TNKS: variants seen among roughly 807,000 people sequenced by gnomAD.
TNKS encodes poly [ADP-ribose] polymerase tankyrase-1.
A neutral mutation model predicts 135.8 loss-of-function variants in TNKS; 72 were observed. That is an observed-to-expected ratio of 0.53 (90% CI 0.44 to 0.64). The LOEUF (loss-of-function observed/expected upper bound fraction) is 0.64. Ranked by LOEUF, TNKS falls within the 30% of genes least tolerant of loss-of-function variation. The pLI, the probability that TNKS is intolerant of heterozygous loss-of-function variation, is 0.00. For synonymous variants in TNKS, 849 were observed against 649.3 expected, an observed-to-expected ratio of 1.31 and a Z score of -4.68; for missense variants, 1,769 against 1,674.0, an observed-to-expected ratio of 1.06 and a Z score of -0.99.
At position 9,607,423 on chromosome 8, in the gene TNKS, A is replaced by G. The variant is rs186107256; in HGVS notation, c.899-8159A>G. Among the ~76,000 whole-genome samples the G allele has an allele frequency of 1.5e-3, 235 of 152,318 alleles. 3 individuals carry two copies. The highest frequency in any genetic ancestry group is 1.7e-3 in the Non-Finnish European group (118 of 68,024). ...TCAATAACCTTTCCAATAATTGTGG[A>G]TATTCTTCTTTGATTCCACATGCAA... On this transcript the variant is annotated intron_variant, in intron 2 of 26. Transcript: ENST00000310430.
rs77150805 is a variant in TNKS at position 9,741,459 on chromosome 8, T to A, written c.2643+5973T>A. On this transcript the variant is annotated intron_variant, in intron 17 of 26. Coordinates refer to ENST00000310430, the MANE Select transcript of TNKS (RefSeq NM_003747.3). ...CTCCATTAGCCTTCACCTTTCACAG[T>A]CTTTATAGCAGTCACGGAGGATAAG... Among the ~76,000 whole-genome samples, 463 of 152,284 alleles carry A rather than the reference T, an allele frequency of 3.0e-3. 3 individuals are homozygous for A. Among genetic ancestry groups the A allele is most frequent in the African/African-American group, 0.01 (435 of 41,570 alleles).
intron 2 of TNKS, among the ~76,000 whole-genome samples, chr8:9,596,389 A>G (rs1030900957): frequency 3.9e-5 from 6 of 152,142 alleles, no homozygotes; most frequent in African/African-American, 1.4e-4. Context: ...CTCATTCTCA[A>G]CTGACCAAGC....
At chr8:9,733,537 A>G (rs1212411229) in intron 15 of TNKS, 93 bp downstream of exon 15, 3 of 1,035,776 alleles carry the variant, frequency 2.9e-6, no homozygotes, top group Non-Finnish European at 4.3e-6. Context: ...TTCTATTAAG[A>G]ACAATACTGC....
chr8:9,676,101 C>T (rs529311021), intron 3 of TNKS, among the ~76,000 whole-genome samples: 256 of 151,550 alleles, frequency 1.7e-3, no homozygotes, highest in Non-Finnish European at 3.1e-3. Flanking sequence ...CAACCTCTGC[C>T]TCCCGGATTC....
chr8:9,658,604 C>T (rs1801537795), intron 3 of TNKS, among the ~76,000 whole-genome samples: 1 of 152,218 alleles, frequency 6.6e-6, no homozygotes, highest in Non-Finnish European at 1.5e-5. Context: ...TGGAAAGGAA[C>T]AACCGGTAAC....
At position 9,617,037 on chromosome 8, in the gene TNKS, A is replaced by C. The variant is rs986808179; in HGVS notation, c.994+1360A>C. 5.9e-5 allele frequency among the ~76,000 whole-genome samples: 9 copies of C among 152,316 alleles called. No individual in the cohort carries two copies. The East Asian group carries it at 1.7e-3, about 29-fold the overall frequency. ...TGTATATCTAAATGTCCTCCCTCTG[A>C]CGTTTCCTTCTCTCCAACTCTCAAC... On this transcript the variant is annotated intron_variant, in intron 3 of 26. Coordinates refer to ENST00000310430, the MANE Select transcript of TNKS (RefSeq NM_003747.3).
intron 1 of TNKS, among the ~76,000 whole-genome samples, chr8:9,564,736 C>A (rs945217088): frequency 6.6e-6 from 1 of 152,184 alleles, no homozygotes; most frequent in Non-Finnish European, 1.5e-5. Context: ...GCTCTTGAGG[C>A]ACCTAATACC....
intron 20 of TNKS, among the ~76,000 whole-genome samples, chr8:9,759,999 A>T (rs546086455): frequency 6.6e-6 from 1 of 152,122 alleles, no homozygotes; most frequent in Non-Finnish European, 1.5e-5. Flanking sequence ...AAACAAAAAA[A>T]AAAAAAGTAA....
At chr8:9,688,988 T>A (rs1348352899) in intron 5 of TNKS, among the ~76,000 whole-genome samples, 1 of 152,166 alleles carries the variant, frequency 6.6e-6, no homozygotes, top group Non-Finnish European at 1.5e-5. Flanking sequence ...AATCTTATCA[T>A]GAGGTTCCCA....
chr8:9,675,447 C>G (rs1183344186), intron 3 of TNKS, among the ~76,000 whole-genome samples: 1 of 152,116 alleles, frequency 6.6e-6, no homozygotes, highest in Non-Finnish European at 1.5e-5. Context: ...CCTTGAGATG[C>G]TTGATAAGTT....
At chr8:9,697,221 A>G (rs1177217518) in intron 5 of TNKS, among the ~76,000 whole-genome samples, 1 of 152,222 alleles carries the variant, frequency 6.6e-6, no homozygotes, top group Non-Finnish European at 1.5e-5. Flanking sequence ...TATGCAAGAA[A>G]TAGTGCTGGG....
intron 3 of TNKS, among the ~76,000 whole-genome samples, chr8:9,616,362 ATTG>A (rs1799645602): frequency 6.6e-6 from 1 of 152,134 alleles, no homozygotes; most frequent in Admixed American, 6.5e-5. Context: ...AAAATGCTGC[ATTG>A]GATCTATTTT....
Position 9,661,855 on chromosome 8 carries a change from C to T in TNKS, c.995-18096C>T, listed in dbSNP as rs1259675096. 2.6e-5 allele frequency among the ~76,000 whole-genome samples: 4 copies of T among 152,232 alleles called. No homozygotes were observed. In the East Asian group the frequency reaches 7.7e-4, roughly 29 times the overall value. On this transcript the variant is annotated intron_variant, in intron 3 of 26. Coordinates refer to ENST00000310430, the MANE Select transcript of TNKS (RefSeq NM_003747.3). The stretch of plus-strand genomic sequence containing the variant: ...TACTCATCTGACAAAGGGCTAATAT[C>T]CAGAATTTACAAAGAACTCAAACAA...
Position 9,556,259 on chromosome 8 carries a change from C to T in TNKS, c.320C>T (p.Ala107Val), listed in dbSNP as rs771355040. 14 of 1,614,252 alleles carry T rather than the reference C, an allele frequency of 8.7e-6. No homozygotes were observed. Among genetic ancestry groups the T allele is most frequent in the Non-Finnish European group, 1.2e-5 (14 of 1,180,036 alleles). ...CTVAAAPVVPAVSTSSAAGVA... is the reference protein window; with the variant it reads ...CTVAAAPVVPVVSTSSAAGVA... ...GTCGCCGCCGCTCCCGTGGTCCCAG[C>T]GGTTTCTACTTCATCTGCCGCTGGG... Residue 107 changes from alanine to valine, a missense_variant, in exon 1 of 27, where the codon GCG (alanine) becomes GTG (valine). Physicochemically the swap from Ala to Val is moderately conservative, Grantham distance 64. Around this residue, in one of 5 missense-constraint regions of TNKS, gnomAD observed 450 missense variants for 304.9 expected, o/e 1.48. Transcript: ENST00000310430.
rs549230280 is a variant in TNKS, at chr8:9,733,793, T to C, written c.2313+349T>C. On this transcript the variant is annotated intron_variant, in intron 15 of 26. Coordinates refer to ENST00000310430, the MANE Select transcript of TNKS (RefSeq NM_003747.3). ...AATCAAGTTGGGTTTTTTTTCTTTGTTGGCTATTTTATTATTGTTAACTAA... is the reference window on the plus strand; with the variant it reads ...AATCAAGTTGGGTTTTTTTTCTTTGCTGGCTATTTTATTATTGTTAACTAA... Among the ~76,000 whole-genome samples the C allele has an allele frequency of 3.3e-5, 5 of 152,322 alleles. No individual in the cohort carries two copies. In the East Asian group the frequency reaches 9.6e-4, roughly 29 times the overall value.
At chr8:9,639,174 A>C (rs926438483) in intron 3 of TNKS, among the ~76,000 whole-genome samples, 1 of 152,198 alleles carries the variant, frequency 6.6e-6, no homozygotes, top group Non-Finnish European at 1.5e-5. Flanking sequence ...TATGTTATTC[A>C]GAGCAAATAA....
At chr8:9,568,344 C>G (rs925395278) in intron 1 of TNKS, among the ~76,000 whole-genome samples, 2 of 152,106 alleles carry the variant, frequency 1.3e-5, no homozygotes, top group African/African-American at 2.4e-5. Context: ...GGAATGTTTC[C>G]TGCCCTTAAG....
intron 3 of TNKS, among the ~76,000 whole-genome samples, chr8:9,676,716 G>GTGTT (rs1404738521): frequency 3.4e-5 from 5 of 147,314 alleles, no homozygotes; most frequent in Non-Finnish European, 6.0e-5. Context: ...GTGTGTTTGT[G>GTGTT]TGTGTGTATG....
At chr8:9,676,686 C>CTCTCTGTGTGTGTG (rs1554467464) in intron 3 of TNKS, among the ~76,000 whole-genome samples, 262 of 147,878 alleles carry the variant, frequency 1.8e-3, no homozygotes, top group African/African-American at 5.9e-3. Context: ...CTCTCTCTCT[C>CTCTCTGTGTGTGTG]TGTGTGTGTG....
Sources: gnomAD v4.1 joint callset for allele counts (sites outside exome capture counted in the v4.1 genomes callset) on GRCh38, gnomAD v4.1.1 for gene constraint, gnomAD v4.1.1 regional missense constraint, MANE v1.5 for transcripts, NCBI Gene and HGNC (gene_info 2026-07-23, HGNC 2026-07-21) for gene names.